TYW1: variants seen among roughly 807,000 people sequenced by gnomAD.
TYW1 encodes tRNA-yW synthesizing protein 1 homolog.
A neutral mutation model predicts 96.2 loss-of-function variants in TYW1; 46 were observed. The ratio of observed to expected loss-of-function variants is 0.48; its 90% confidence interval spans 0.38 to 0.61. The LOEUF (loss-of-function observed/expected upper bound fraction) is 0.61, where lower values mean the gene tolerates loss of function less well. TYW1 is among the 20% of genes least tolerant of loss of function. The pLI is 0.00. For missense variants in TYW1, 684 were observed against 909.6 expected, an observed-to-expected ratio of 0.75 and a Z score of 3.19; for synonymous variants, 274 against 323.0, an observed-to-expected ratio of 0.85 and a Z score of 1.63.
At chr7:67,184,657 TGTTATGTTATGTTATG>T (rs1563060531) in intron 14 of TYW1, among the ~76,000 whole-genome samples, 4 of 49,484 alleles carry the variant, frequency 8.1e-5, no homozygotes, top group African/African-American at 4.9e-4. Context: ...ATTTATGTTA[TGTTATGTTATGTTATG>T]TTATGTTATG....
intron 13 of TYW1, among the ~76,000 whole-genome samples, chr7:67,158,560 AT>A (rs1799058754): frequency 6.6e-6 from 1 of 151,856 alleles, no homozygotes; most frequent in Admixed American, 6.6e-5. Flanking sequence ...GTCAGCAGGT[AT>A]ATTATTATTG....
intron 14 of TYW1, among the ~76,000 whole-genome samples, chr7:67,187,063 T>G (rs1432459643): frequency 1.4e-5 from 1 of 71,916 alleles, no homozygotes; most frequent in Non-Finnish European, 2.7e-5. Context: ...TTTTTTTTTT[T>G]TTTTTTTTTT....
chr7:67,054,138 A>G (rs1280739029), intron 8 of TYW1, among the ~76,000 whole-genome samples: 1 of 152,184 alleles, frequency 6.6e-6, no homozygotes, highest in Non-Finnish European at 1.5e-5. Context: ...TGGTATTTCA[A>G]GTAGGATTGT....
chr7:67,134,708 T>G (rs1798188707), intron 13 of TYW1, among the ~76,000 whole-genome samples: 1 of 149,970 alleles, frequency 6.7e-6, no homozygotes, highest in East Asian at 1.9e-4. Context: ...TGCCAAGGGC[T>G]CCCAACCTCC....
intron 3 of TYW1, among the ~76,000 whole-genome samples, chr7:67,001,089 A>T (rs182508464): frequency 1.8e-3 from 241 of 134,064 alleles, no homozygotes; most frequent in Admixed American, 4.4e-3. Context: ...TTACCTTTTT[A>T]AAAAAAATGA....
chr7:67,085,920 A>G (rs1159089333), intron 11 of TYW1, among the ~76,000 whole-genome samples: 2 of 151,906 alleles, frequency 1.3e-5, no homozygotes, highest in Non-Finnish European at 2.9e-5. Context: ...CAGTGAGCTG[A>G]GTTCACACTC....
At chr7:67,181,181 T>G (rs957797376) in intron 13 of TYW1, among the ~76,000 whole-genome samples, 3 of 152,204 alleles carry the variant, frequency 2.0e-5, no homozygotes, top group African/African-American at 7.2e-5. Context: ...TATAATGAAT[T>G]GTATTACTGT....
chr7:67,149,722 A>AATCTATC (rs762217563), intron 13 of TYW1, among the ~76,000 whole-genome samples: 1 of 140,120 alleles, frequency 7.1e-6, no homozygotes, highest in Admixed American at 7.2e-5. Context: ...AGGAAAAAAA[A>AATCTATC]TATCTATCTA....
At chr7:67,197,986 C>T (rs1425007408) in intron 15 of TYW1, among the ~76,000 whole-genome samples, 1 of 139,528 alleles carries the variant, frequency 7.2e-6, no homozygotes, top group Non-Finnish European at 1.5e-5. Flanking sequence ...CATACACGTG[C>T]ACGCATCGTC....
chr7:67,050,315 T>C (rs1795315856), intron 8 of TYW1, among the ~76,000 whole-genome samples: 1 of 152,160 alleles, frequency 6.6e-6, no homozygotes, highest in African/African-American at 2.4e-5. Flanking sequence ...AAAAGTGCTG[T>C]CATTGGGAAA....
intron 7 of TYW1, among the ~76,000 whole-genome samples, chr7:67,027,591 C>T (rs1254244226): frequency 6.6e-6 from 1 of 152,086 alleles, no homozygotes; most frequent in Non-Finnish European, 1.5e-5. Flanking sequence ...CCTCTTATAT[C>T]TCAGACAAGG....
intron 13 of TYW1, among the ~76,000 whole-genome samples, chr7:67,153,521 G>T (rs1798868657): frequency 1.3e-5 from 2 of 152,170 alleles, no homozygotes; most frequent in Admixed American, 1.3e-4. Context: ...TACATACATA[G>T]CCATATTGTT....
At position 67,229,088 on chromosome 7, in the gene TYW1, T is replaced by G. The variant is rs145947738; in HGVS notation, c.1978-9220T>G. Among the ~76,000 whole-genome samples, 1,282 of 152,358 alleles carry G rather than the reference T, an allele frequency of 8.4e-3. 15 individuals carry two copies. The highest frequency in any genetic ancestry group is 0.029 in the African/African-American group (1,223 of 41,584). ...CAAAGAAATCAAAGGCAGAGTACAC[T>G]GACTTTAGAGGTCTGCATAAAAAGC... On this transcript the variant is annotated intron_variant, in intron 15 of 15. Coordinates refer to ENST00000359626, the MANE Select transcript of TYW1 (RefSeq NM_018264.4).
intron 4 of TYW1, among the ~76,000 whole-genome samples, chr7:67,011,402 C>G (rs1793790819): frequency 6.6e-6 from 1 of 152,174 alleles, no homozygotes; most frequent in South Asian, 2.1e-4. Flanking sequence ...CCTTTTTTCT[C>G]CAGTCATGCC....
chr7:67,220,449 T>G (rs6944637), intron 15 of TYW1, among the ~76,000 whole-genome samples: 8 of 151,930 alleles, frequency 5.3e-5, no homozygotes, highest in African/African-American at 1.9e-4. Flanking sequence ...GTGATCCGCC[T>G]GCCTTGGCCT....
chr7:67,197,536 G>T (rs1448363432), intron 15 of TYW1, among the ~76,000 whole-genome samples: 1 of 152,190 alleles, frequency 6.6e-6, no homozygotes, highest in Non-Finnish European at 1.5e-5. Flanking sequence ...GTGTTAGCCA[G>T]GCTGGTTTCG....
chr7:67,017,831 C>T (rs374923860), intron 5 of TYW1, 22 bp from the exon 6 acceptor site: 5 of 1,599,428 alleles, frequency 3.1e-6, no homozygotes, highest in Admixed American at 1.7e-5. Context: ...GTGCTTTTAG[C>T]CTATCTATCT....
chr7:67,101,821 C>T (rs1236567515), intron 12 of TYW1, among the ~76,000 whole-genome samples: 4 of 151,484 alleles, frequency 2.6e-5, no homozygotes, highest in Admixed American at 1.3e-4. Context: ...CATAGGAAAT[C>T]GAAGAGTTGA....
chr7:67,198,772 C>T (rs1044261048), intron 15 of TYW1, among the ~76,000 whole-genome samples: 2 of 152,128 alleles, frequency 1.3e-5, no homozygotes, highest in Non-Finnish European at 2.9e-5. Context: ...CTAATCTAGG[C>T]AGATACTATA....
Sources: allele counts gnomAD v4.1 joint callset (sites outside exome capture counted in the v4.1 genomes callset), GRCh38; gene constraint gnomAD v4.1.1; transcripts MANE v1.5; gene names NCBI Gene and HGNC (gene_info 2026-07-23, HGNC 2026-07-21).